FHIP2B: variants seen among roughly 807,000 people sequenced by gnomAD.
FHIP2B encodes FHF complex subunit HOOK interacting protein 2B.
A neutral mutation model predicts 84.0 loss-of-function variants in FHIP2B; 72 were observed. The ratio of observed to expected loss-of-function variants is 0.86; its 90% CI spans 0.71 to 1.04. The LOEUF (loss-of-function observed/expected upper bound fraction) is 1.04. Ranked by LOEUF, FHIP2B falls within the 50% of genes least tolerant of loss-of-function variation. The probability of loss-of-function intolerance (pLI) is 0.00; values close to 1 mark genes in which losing one functional copy is unlikely to be tolerated. For missense variants in FHIP2B, 972 were observed against 968.9 expected (o/e 1.00, Z -0.04); for synonymous variants, 497 against 418.7 (o/e 1.19, Z -2.28).
At chr8:22,101,590 C>T (rs1197289747) in intron 13 of FHIP2B, 60 bp downstream of exon 13, 4 of 1,568,446 alleles carry the variant, frequency 2.6e-6, no homozygotes, top group African/African-American at 2.7e-5. Context: ...GGGTCATAAG[C>T]TCTGGGTTCC....
intron 14 of FHIP2B, 103 bp downstream of exon 14, chr8:22,101,954 G>A (rs1826143181): frequency 1.3e-6 from 2 of 1,515,374 alleles, no homozygotes; most frequent in Non-Finnish European, 1.8e-6. Flanking sequence ...GTTCTTTGGT[G>A]CCACCCCTGT....
At chr8:22,101,901 T>C in intron 14 of FHIP2B, 50 bp downstream of exon 14, 1 of 1,595,120 alleles carries the variant, frequency 6.3e-7, no homozygotes, top group South Asian at 1.1e-5. Context: ...GCCTCTGGGG[T>C]CCTTCAAGAG....
At chr8:22,090,585 G>A (rs1222587768) in intron 1 of FHIP2B, among the ~76,000 whole-genome samples, 1 of 152,160 alleles carries the variant, frequency 6.6e-6, no homozygotes, top group Non-Finnish European at 1.5e-5. Context: ...AGGTGAGACA[G>A]GCCAGACAGT....
At position 22,101,455 on chromosome 8, in the gene FHIP2B, C is replaced by T. The variant is rs1826107714; in HGVS notation, c.1632C>T (p.Val544=). The stretch of plus-strand genomic sequence containing the variant: ...TATCTCTCAGTTTCCTGTGCCTGGT[C>T]CCCGAGGAAGCCAAGACCTCTGCCT... ...TEIVNSFLCL[V]PEEAKTSAFL... The change falls in exon 13 of 17, where the codon GTC becomes GTT. Residue 544 remains valine, a synonymous_variant. Transcript: ENST00000289921. The T allele has an allele frequency of 2.5e-6, 4 of 1,610,506 alleles. No individual in the cohort carries two copies. Among genetic ancestry groups the T allele is most frequent in the Non-Finnish European group, 3.4e-6 (4 of 1,178,150 alleles).
rs1200221577 is a variant in FHIP2B, at chr8:22,102,593, G to A, written c.2058G>A (p.Val686=). The A allele has an allele frequency of 3.2e-6, 5 of 1,564,440 alleles. No individual in the cohort carries two copies. The highest frequency in any genetic ancestry group is 1.2e-5 in the South Asian group (1 of 84,970). ...AGTTCCCAGGCAAGCTGCTCCTGGT[G>A]CGCAAGCAGTTGACGGGCCAGGCTC... ...VPQFPGKLLL[V]RKQLTGQAPG... The change falls in exon 16 of 17, where the codon GTG becomes GTA. Residue 686 remains valine, a synonymous_variant. Transcript: ENST00000289921.
intron 12 of FHIP2B, 84 bp downstream of exon 12, chr8:22,101,056 C>CGGAG: frequency 1.4e-6 from 2 of 1,480,166 alleles, no homozygotes; most frequent in Non-Finnish European, 1.8e-6. Context: ...CGCTCCGTCA[C>CGGAG]CCAGGATGGA....
At chr8:22,099,648 G>A (rs1423882076) in intron 9 of FHIP2B, 56 bp from the exon 10 acceptor site, 44 of 1,505,044 alleles carry the variant, frequency 2.9e-5, no homozygotes, top group Middle Eastern at 2.5e-4. Flanking sequence ...TCGGCCACCC[G>A]CACTCATGTG....
Position 22,104,608 on chromosome 8 carries a change from C to T in FHIP2B, c.*1677C>T, listed in dbSNP as rs541810352. 16 of 152,322 alleles carry T rather than the reference C, an allele frequency of 1.1e-4. No individual in the cohort carries two copies. Among genetic ancestry groups the T allele is most frequent in the Admixed American group, 8.5e-4 (13 of 15,304 alleles). 9.4% of individuals were successfully genotyped at this position (152,322 alleles called of 1,614,324 possible). On this transcript the variant is annotated 3_prime_UTR_variant, in exon 17 of 17. Coordinates refer to ENST00000289921, the MANE Select transcript of FHIP2B (RefSeq NM_022749.7). ...AGCAGTGCCACTTCTGCTGGGCTGA[C>T]CTGCAGCGGAGAGTCTGCCCACCCC...
At position 22,097,715 on chromosome 8, in the gene FHIP2B, A is replaced by G; in HGVS notation, c.403-2A>G. On this transcript the variant is annotated splice_acceptor_variant, in intron 4 of 16. Coordinates refer to ENST00000289921, the MANE Select transcript of FHIP2B (RefSeq NM_022749.7). LOFTEE classifies it high-confidence loss of function. ...TCTGTTTCTGTCCTGGTGCTCTTCC[A>G]GAAACTCCTCCGACTTGGTGGGACT... is the stretch of plus-strand genomic sequence containing the variant. 1.2e-6 allele frequency: 2 copies of G among 1,612,772 alleles called. No homozygotes were observed. Among genetic ancestry groups the G allele is most frequent in the Non-Finnish European group, 1.7e-6 (2 of 1,179,608 alleles).
chr8:22,098,915 ACT>A (rs760501393), intron 7 of FHIP2B, 31 bp from the exon 8 acceptor site: 24 of 1,537,660 alleles, frequency 1.6e-5, no homozygotes, highest in Non-Finnish European at 2.0e-5. Flanking sequence ...CTCCTTCTCC[ACT>A]CTCTGAGACT....
chr8:22,102,487 G>A (rs1052815803), intron 15 of FHIP2B, 41 bp from the exon 16 acceptor site: 2 of 1,545,170 alleles, frequency 1.3e-6, no homozygotes, highest in Non-Finnish European at 1.8e-6. Context: ...ACTCACTGGT[G>A]TTGCTGGCCC....
Position 22,094,530 on chromosome 8 carries a change from C to T in FHIP2B, c.124+12C>T. On this transcript the variant is annotated intron_variant, in intron 2 of 16. Transcript: ENST00000289921. ...CATCGAGAGCACAGGTGCGGCCTGG[C>T]CCTCCCCAGCCCAGGGACCCTGGAG... The T allele has an allele frequency of 1.2e-6, 2 of 1,608,546 alleles. No homozygotes were observed. Among genetic ancestry groups the T allele is most frequent in the Non-Finnish European group, 1.7e-6 (2 of 1,177,888 alleles).
intron 1 of FHIP2B, among the ~76,000 whole-genome samples, chr8:22,091,983 G>A (rs978690151): frequency 1.3e-5 from 2 of 152,224 alleles, no homozygotes; most frequent in African/African-American, 2.4e-5. Context: ...TCATCATCTA[G>A]CAGAAGAGAT....
intron 2 of FHIP2B, 157 bp downstream of exon 2, chr8:22,094,675 G>A: frequency 6.8e-7 from 1 of 1,478,784 alleles, no homozygotes; most frequent in South Asian, 1.3e-5. Flanking sequence ...ACAGACAGAA[G>A]ACCCAGAGCC....
Position 22,099,734 on chromosome 8 carries a change from C to T in FHIP2B, c.1182C>T (p.Ala394=). ...AGCAGAGCATCTTGACCTCCACCGC[C>T]CTCCTCACAGCCATGCTGCGCCAGC... The part of the protein sequence containing the change: ...VSEQSILTST[A]LLTAMLRQLR... Residue 394 remains alanine (A), a synonymous_variant, in exon 10 of 17, where the codon GCC becomes GCT. Transcript: ENST00000289921. 3.1e-6 allele frequency: 5 copies of T among 1,599,414 alleles called. No homozygotes were observed. The highest frequency in any genetic ancestry group is 4.3e-6 in the Non-Finnish European group (5 of 1,176,038).
At position 22,100,659 on chromosome 8, in the gene FHIP2B, C is replaced by T. The variant is rs751151199; in HGVS notation, c.1407C>T (p.His469=). The change falls in exon 11 of 17, where the codon CAC becomes CAT. Residue 469 remains histidine (H), a synonymous_variant. Coordinates refer to ENST00000289921, the MANE Select transcript of FHIP2B (RefSeq NM_022749.7). ...LLQKPHEGII[H]SLVLRNLEGR... The stretch of plus-strand genomic sequence containing the variant: ...AGAAGCCCCACGAGGGGATCATCCA[C>T]AGCCTGGTCCTGCGCAACCTTGAGG... 1.4e-5 allele frequency: 22 copies of T among 1,605,512 alleles called. No homozygotes were observed. Among genetic ancestry groups the T allele is most frequent in the Non-Finnish European group, 1.8e-5 (21 of 1,175,270 alleles).
chr8:22,102,285 C>A lies in FHIP2B; in HGVS notation c.1962C>A (p.Gly654=). Residue 654 remains glycine (G), a synonymous_variant, in exon 15 of 17, where the codon GGC becomes GGA. Coordinates refer to ENST00000289921, the MANE Select transcript of FHIP2B (RefSeq NM_022749.7). Reference sequence around the variant, plus strand: ...ATCCGTACATCAGCCTGGCCCCCGGCTGCAGGAGCCTATTCTCCGTGTTGG... The same window carrying A: ...ATCCGTACATCAGCCTGGCCCCCGGATGCAGGAGCCTATTCTCCGTGTTGG... ...LLDPYISLAP[G]CRSLFSVLVR... 2 of 1,612,976 alleles carry A rather than the reference C, an allele frequency of 1.2e-6. No homozygotes were observed. Among genetic ancestry groups the A allele is most frequent in the Non-Finnish European group, 1.7e-6 (2 of 1,179,856 alleles).
rs1413267809 is a variant in FHIP2B, at chr8:22,101,765, T to G, written c.1765T>G (p.Leu589Val). The G allele has an allele frequency of 2.5e-6, 4 of 1,613,258 alleles. No individual in the cohort carries two copies. In the East Asian group the frequency reaches 8.9e-5, roughly 36 times the overall value. Residue 589 changes from leucine (L) to valine (V), a missense_variant, in exon 14 of 17, where the codon TTG becomes GTG. By Grantham distance (32) the Leu-to-Val change is conservative. Transcript: ENST00000289921. The part of the protein sequence containing the change: ...SWGWPLTPTP[L>V]DPHEPERPFF... ...GGGCTGGCCTCTGACCCCCACACCT[T>G]TGGACCCCCATGAGCCCGAGCGACC...
intron 5 of FHIP2B, 28 bp downstream of exon 5, chr8:22,097,867 G>C (rs373744765): frequency 6.2e-6 from 10 of 1,607,374 alleles, no homozygotes; most frequent in Non-Finnish European, 8.5e-6. Flanking sequence ...GAACAGGAGG[G>C]GGAGGGCCCA....
Sources: allele counts gnomAD v4.1 joint callset (sites outside exome capture counted in the v4.1 genomes callset), GRCh38; gene constraint gnomAD v4.1.1; transcripts MANE v1.5; gene names NCBI Gene and HGNC (gene_info 2026-07-23, HGNC 2026-07-21).